Variants in SORCS1 observed in about 807,000 individuals in gnomAD.
SORCS1 encodes the protein VPS10 domain-containing receptor SorCS1.
In SORCS1, 60 loss-of-function variants were observed where a neutral mutation model predicts 146.1. The ratio of observed to expected loss-of-function variants is 0.41; its 90% CI spans 0.33 to 0.51. The LOEUF (loss-of-function observed/expected upper bound fraction) is 0.51, where lower values mean the gene tolerates loss of function less well. Among genes scored for constraint, SORCS1 ranks in the 20% least tolerant of loss-of-function variants. The pLI, the probability that SORCS1 is intolerant of heterozygous loss-of-function variation, is 0.21. For synonymous variants in SORCS1, 637 were observed against 584.0 expected, an observed-to-expected ratio of 1.09 and a Z score of -1.31; for missense variants, 1,352 against 1,487.6, an observed-to-expected ratio of 0.91 and a Z score of 1.50.
Position 106,579,360 on chromosome 10 carries a change from G to T in SORCS1, c.3371+9C>A. On this transcript the variant is annotated intron_variant, in intron 25 of 25. Transcript: ENST00000263054. The stretch of plus-strand genomic sequence containing the variant: ...AGGGGTGGGGGAACGTGGATAGAGG[G>T]ACACGCACCTTTTAAACTTGTAGAT... 6.2e-7 allele frequency: 1 copy of T among 1,613,996 alleles called. No homozygotes were observed. The highest frequency in any genetic ancestry group is 1.3e-5 in the African/African-American group (1 of 74,988).
chr10:107,080,789 G>T (rs924811065), intron 1 of SORCS1, among the ~76,000 whole-genome samples: 1 of 152,104 alleles, frequency 6.6e-6, no homozygotes, highest in South Asian at 2.1e-4. Context: ...TCTCTTAAAT[G>T]AATTTTAACC....
chr10:106,809,481 C>A (rs562712720), intron 3 of SORCS1, among the ~76,000 whole-genome samples: 1 of 151,930 alleles, frequency 6.6e-6, no homozygotes, highest in Non-Finnish European at 1.5e-5. Flanking sequence ...CCACTCATCA[C>A]GGCAGGATCT....
chr10:106,901,604 T>C (rs1411162673), intron 2 of SORCS1, among the ~76,000 whole-genome samples: 1 of 152,074 alleles, frequency 6.6e-6, no homozygotes, highest in African/African-American at 2.4e-5. Context: ...TGGCTAATTG[T>C]TTTGTATTTT....
chr10:106,801,553 G>T (rs1431100079), intron 3 of SORCS1, among the ~76,000 whole-genome samples: 2 of 142,784 alleles, frequency 1.4e-5, no homozygotes, highest in Non-Finnish European at 3.0e-5. Flanking sequence ...TTTTGAGACG[G>T]AGTCTCGCTC....
chr10:106,780,095 C>G (rs17121514), intron 3 of SORCS1, among the ~76,000 whole-genome samples: 7,147 of 151,996 alleles, frequency 0.047, 269 homozygotes, highest in East Asian at 0.11. Flanking sequence ...AATAAAAAAG[C>G]CTTAACATAC....
intron 1 of SORCS1, among the ~76,000 whole-genome samples, chr10:107,144,726 G>A (rs1968156214): frequency 6.6e-6 from 1 of 152,230 alleles, no homozygotes; most frequent in Non-Finnish European, 1.5e-5. Context: ...TCCACCTGCT[G>A]AACTCCTTGA....
chr10:106,744,450 G>C (rs1857576082), intron 5 of SORCS1, among the ~76,000 whole-genome samples: 1 of 152,004 alleles, frequency 6.6e-6, no homozygotes, highest in Non-Finnish European at 1.5e-5. Flanking sequence ...ATCTTTGTAG[G>C]TAAATATCTG....
chr10:106,758,096 T>C (rs1311702932), intron 5 of SORCS1, among the ~76,000 whole-genome samples: 1 of 152,220 alleles, frequency 6.6e-6, no homozygotes, highest in African/African-American at 2.4e-5. Flanking sequence ...AGAATTCACA[T>C]ACAATAATGT....
Position 106,730,182 on chromosome 10 carries a change from C to G in SORCS1, c.960-68G>C. On this transcript the variant is annotated intron_variant, in intron 5 of 25. Coordinates refer to ENST00000263054, the MANE Select transcript of SORCS1 (RefSeq NM_052918.5). ...ACTTCACATGTGCCTTAGTGGAACT[C>G]GGCAGAGCCCCCAGACTATTAATAT... 3.5e-6 allele frequency: 5 copies of G among 1,440,780 alleles called. No homozygotes were observed. In the South Asian group the frequency reaches 5.7e-5, roughly 17 times the overall value. 89.2% of individuals were successfully genotyped at this position (1,440,780 alleles called of 1,614,324 possible).
chr10:106,964,482 ATTTTAT>A (rs995923415), intron 1 of SORCS1, among the ~76,000 whole-genome samples: 4 of 150,316 alleles, frequency 2.7e-5, no homozygotes, highest in African/African-American at 9.8e-5. Flanking sequence ...ATTTTATTTT[ATTTTAT>A]TTTATTTTAA....
intron 2 of SORCS1, among the ~76,000 whole-genome samples, chr10:106,944,626 G>A (rs1954215282): frequency 6.6e-6 from 1 of 152,078 alleles, no homozygotes; most frequent in Non-Finnish European, 1.5e-5. Context: ...CAGTTAGCAT[G>A]GATCTATGTA....
At chr10:106,649,659 C>T (rs1849714765) in intron 18 of SORCS1, among the ~76,000 whole-genome samples, 2 of 152,118 alleles carry the variant, frequency 1.3e-5, no homozygotes, top group African/African-American at 4.8e-5. Flanking sequence ...TTTCATCAGG[C>T]TTGGAAAATT....
chr10:106,638,634 C>A (rs1048558650), intron 18 of SORCS1, among the ~76,000 whole-genome samples: 2 of 152,138 alleles, frequency 1.3e-5, no homozygotes, highest in African/African-American at 4.8e-5. Context: ...TACCTAGTAT[C>A]ACTTGGTGGT....
chr10:107,178,679 G>C, the SORCS1 span, among the ~76,000 whole-genome samples: 1 of 151,952 alleles, frequency 6.6e-6, no homozygotes, highest in Admixed American at 6.6e-5. Context: ...AGTAGAGATA[G>C]GTTTCGCCTT....
chr10:107,038,305 T>A (rs919070176), intron 1 of SORCS1, among the ~76,000 whole-genome samples: 3 of 146,412 alleles, frequency 2.0e-5, no homozygotes, highest in African/African-American at 7.6e-5. Context: ...AGGAAAAACG[T>A]AGGGAGAAGC....
chr10:107,027,091 C>CATATATATATATGTATATAT (rs148866843), intron 1 of SORCS1, among the ~76,000 whole-genome samples: 85 of 145,302 alleles, frequency 5.8e-4, no homozygotes, highest in African/African-American at 2.0e-3. Context: ...CATATATATA[C>CATATATATATATGTATATAT]ATATATATAT....
At chr10:106,999,880 C>T (rs1957146823) in intron 1 of SORCS1, among the ~76,000 whole-genome samples, 1 of 151,946 alleles carries the variant, frequency 6.6e-6, no homozygotes, top group African/African-American at 2.4e-5. Context: ...TTAAGAGTAA[C>T]ATTGGATTTG....
chr10:106,780,078 C>T (rs1022071182), intron 3 of SORCS1, among the ~76,000 whole-genome samples: 8 of 151,768 alleles, frequency 5.3e-5, no homozygotes, highest in Admixed American at 6.6e-5. Context: ...AAATTTAATG[C>T]GATCTAAATA....
chr10:106,855,091 GAA>G (rs775837060), intron 2 of SORCS1, among the ~76,000 whole-genome samples: 2 of 152,118 alleles, frequency 1.3e-5, no homozygotes, highest in African/African-American at 4.8e-5. Flanking sequence ...GTCCGTCTGA[GAA>G]AAGTCTTTAT....
Sources: allele counts gnomAD v4.1 joint callset (sites outside exome capture counted in the v4.1 genomes callset), GRCh38; gene constraint gnomAD v4.1.1; transcripts MANE v1.5; gene names NCBI Gene and HGNC (gene_info 2026-07-23, HGNC 2026-07-21).